Variants in MRTFA observed in about 807,000 individuals in gnomAD.
MRTFA encodes the protein myocardin related transcription factor A.
In MRTFA, 20 loss-of-function variants were observed where a neutral mutation model predicts 83.5. That is an observed-to-expected ratio of 0.24 (90% CI 0.17 to 0.35). MRTFA has a LOEUF of 0.35. Among genes scored for constraint, MRTFA ranks in the 10% least tolerant of loss-of-function variants. The pLI is 1.00. For missense variants in MRTFA, 1,200 were observed against 1,224.7 expected, an observed-to-expected ratio of 0.98 and a Z score of 0.30; for synonymous variants, 659 against 541.2, an observed-to-expected ratio of 1.22 and a Z score of -3.02.
chr22:40,434,939 C>T (rs977594693), intron 5 of MRTFA, among the ~76,000 whole-genome samples: 8 of 152,062 alleles, frequency 5.3e-5, no homozygotes, highest in Admixed American at 6.5e-5. Flanking sequence ...GGGATGGGGA[C>T]GCAAGTAAGG....
At chr22:40,622,847 G>A (rs2056539890) in intron 1 of MRTFA, among the ~76,000 whole-genome samples, 1 of 152,218 alleles carries the variant, frequency 6.6e-6, no homozygotes. Flanking sequence ...GCAGTCACAG[G>A]AAACTAAACT....
At chr22:40,517,351 A>G (rs1258871568) in intron 3 of MRTFA, among the ~76,000 whole-genome samples, 2 of 152,212 alleles carry the variant, frequency 1.3e-5, no homozygotes, top group Non-Finnish European at 2.9e-5. Context: ...AGGTAGGCTA[A>G]GTACTGGGAG....
At position 40,459,790 on chromosome 22, in the gene MRTFA, C is replaced by T. The variant is rs890945287; in HGVS notation, c.307+3431G>A. Among the ~76,000 whole-genome samples the T allele has an allele frequency of 7.3e-4, 76 of 104,034 alleles. 1 individual carries two copies. Among genetic ancestry groups the T allele is most frequent in the Non-Finnish European group, 1.1e-3 (63 of 54,876 alleles). 68.3% of individuals were successfully genotyped at this position (104,034 alleles called of 152,430 possible). On this transcript the variant is annotated intron_variant, in intron 4 of 14. Coordinates refer to ENST00000355630, the MANE Select transcript of MRTFA (RefSeq NM_020831.6). ...ACGGGACTGATAAAATATACACACA[C>T]ACACACACACACACACACACACACA...
chr22:40,550,779 GCA>G, intron 3 of MRTFA, among the ~76,000 whole-genome samples: 1 of 151,608 alleles, frequency 6.6e-6, no homozygotes, highest in Admixed American at 6.6e-5. Flanking sequence ...GAAGATTTAC[GCA>G]AAGTACATAA....
intron 1 of MRTFA, among the ~76,000 whole-genome samples, chr22:40,598,328 A>G (rs1160074802): frequency 6.6e-6 from 1 of 152,046 alleles, no homozygotes; most frequent in African/African-American, 2.4e-5. Context: ...CTCATTTTAT[A>G]TTGAAATGAA....
At chr22:40,628,019 T>C (rs999786469) in intron 1 of MRTFA, among the ~76,000 whole-genome samples, 25 of 152,142 alleles carry the variant, frequency 1.6e-4, no homozygotes, top group Non-Finnish European at 3.2e-4. Context: ...TATCTAGAAG[T>C]TCCTCTAGAA....
chr22:40,586,911 G>A, intron 2 of MRTFA: 1 of 434,344 alleles, frequency 2.3e-6, no homozygotes, highest in South Asian at 1.7e-5. Flanking sequence ...TGGTGCTGCT[G>A]GTGCTGGTGC....
chr22:40,414,825 C>CTGAT (rs1183154442), intron 14 of MRTFA, among the ~76,000 whole-genome samples: 2 of 148,794 alleles, frequency 1.3e-5, no homozygotes, highest in Admixed American at 1.3e-4. Flanking sequence ...CCTAATACCT[C>CTGAT]TGATTGTACA....
At chr22:40,540,425 A>G (rs1005576642) in intron 3 of MRTFA, among the ~76,000 whole-genome samples, 5 of 152,112 alleles carry the variant, frequency 3.3e-5, no homozygotes, top group African/African-American at 9.7e-5. Context: ...CTCCATGGAT[A>G]TGCTAACTAC....
chr22:40,513,801 A>T (rs80045108), intron 3 of MRTFA, among the ~76,000 whole-genome samples: 1,599 of 152,180 alleles, frequency 0.011, 33 homozygotes, highest in African/African-American at 0.037. Context: ...CTCCTTAATA[A>T]GAGACAACTT....
chr22:40,418,903 G>C lies in MRTFA; in HGVS notation c.1835C>G (p.Pro612Arg), dbSNP rs370416906. The change falls in exon 12 of 15, where the codon CCT becomes CGT. Residue 612 changes from proline to arginine, a missense_variant. Pro to Arg is a moderately radical substitution (Grantham distance 103). Transcript: ENST00000355630. ...CCCCTCTAGCTCCGCCCGCCCCCCA[G>C]GGCTCAGGCAACAGGACCCGGCCCG... The C allele has an allele frequency of 5.0e-6, 8 of 1,612,756 alleles. No homozygotes were observed. In the African/African-American group the frequency reaches 1.1e-4, roughly 21 times the overall value.
At chr22:40,463,079 T>G (rs2053743580) in intron 4 of MRTFA, 142 bp downstream of exon 4, 1 of 740,774 alleles carries the variant, frequency 1.3e-6, no homozygotes. Flanking sequence ...AGCTCTAAAC[T>G]TGGAAAGTCA....
chr22:40,414,760 G>A (rs1455736470), intron 14 of MRTFA, among the ~76,000 whole-genome samples: 1 of 152,190 alleles, frequency 6.6e-6, no homozygotes, highest in African/African-American at 2.4e-5. Flanking sequence ...TTCCTTATGG[G>A]GTGATGAAGT....
chr22:40,579,349 C>A (rs1316606161), intron 2 of MRTFA, among the ~76,000 whole-genome samples: 1 of 152,140 alleles, frequency 6.6e-6, no homozygotes. Flanking sequence ...AGCATACTTC[C>A]ATCTAGTAAT....
intron 1 of MRTFA, among the ~76,000 whole-genome samples, chr22:40,614,133 C>A (rs2056420536): frequency 6.6e-6 from 1 of 151,674 alleles, no homozygotes; most frequent in Admixed American, 6.6e-5. Flanking sequence ...ATCTAGGCGG[C>A]AGAGGTTGCA....
intron 1 of MRTFA, among the ~76,000 whole-genome samples, chr22:40,615,307 T>C (rs1310862511): frequency 6.6e-6 from 1 of 152,248 alleles, no homozygotes; most frequent in African/African-American, 2.4e-5. Flanking sequence ...ACTATATATG[T>C]ATGTATCTAT....
chr22:40,587,776 T>C (rs749126146), intron 2 of MRTFA: 6 of 334,652 alleles, frequency 1.8e-5, no homozygotes, highest in Non-Finnish European at 3.5e-5. Flanking sequence ...CTCTGGGAAT[T>C]TGAGACCCAA....
intron 4 of MRTFA, among the ~76,000 whole-genome samples, chr22:40,461,204 C>CAAAA (rs55733153): frequency 2.0e-4 from 10 of 50,290 alleles, no homozygotes; most frequent in South Asian, 1.4e-3. Context: ...GAACTTGTCT[C>CAAAA]AAAAAAAAAA....
intron 3 of MRTFA, among the ~76,000 whole-genome samples, chr22:40,534,811 T>C (rs1421563925): frequency 2.0e-5 from 3 of 152,268 alleles, no homozygotes; most frequent in Non-Finnish European, 2.9e-5. Context: ...TCTCGTTAAC[T>C]ATCAGCCTGT....
Sources: gnomAD v4.1 joint callset for allele counts (sites outside exome capture counted in the v4.1 genomes callset) on GRCh38, gnomAD v4.1.1 for gene constraint, MANE v1.5 for transcripts, NCBI Gene and HGNC (gene_info 2026-07-23, HGNC 2026-07-21) for gene names.